Variants in STARD5 observed in about 807,000 individuals in gnomAD.
STARD5 encodes stAR-related lipid transfer protein 5.
Under a neutral mutation model 24.6 loss-of-function variants are expected in STARD5, and 26 were observed. The observed-to-expected ratio is 1.06, with a 90% CI of 0.77 to 1.47. The LOEUF (loss-of-function observed/expected upper bound fraction) is 1.47. Among genes scored for constraint, STARD5 ranks in the 40% most tolerant of loss-of-function variants. STARD5 has a pLI of 0.00. For synonymous variants in STARD5, 101 were observed against 99.7 expected, an observed-to-expected ratio of 1.01 and a Z score of -0.07; for missense variants, 254 against 270.8, an observed-to-expected ratio of 0.94 and a Z score of 0.44.
chr15:81,314,893 GAA>G lies in STARD5; in HGVS notation c.495-1492_495-1491del, dbSNP rs5814055. Among the ~76,000 whole-genome samples, 81 of 104,062 alleles carry G rather than the reference GAA, an allele frequency of 7.8e-4. 1 individual carries two copies. The highest frequency in any genetic ancestry group is 2.3e-3 in the African/African-American group (72 of 30,752). 68.3% of individuals were successfully genotyped at this position (104,062 alleles called of 152,430 possible). The stretch of plus-strand genomic sequence containing the variant: ...AAGAGCAAAACCCCACCTCAAAAAA[GAA>G]AAAAAAAAAAAAAAAAAAAAGAATC... On this transcript the variant is annotated intron_variant, in intron 5 of 5. Transcript: ENST00000302824.
Position 81,313,373 on chromosome 15 carries a change from G to A in STARD5, c.525C>T (p.Phe175=). 6.3e-7 allele frequency: 1 copy of A among 1,575,122 alleles called. No homozygotes were observed. Reference sequence around the variant, plus strand: ...GGTAACCGCTGAGGTCGGTATGGAAGAATGTGACCAGGTTGGTCTTGGTGG... The same window carrying A: ...GGTAACCGCTGAGGTCGGTATGGAAAAATGTGACCAGGTTGGTCTTGGTGG... ...GEPTKTNLVT[F]FHTDLSGYLP... The change falls in exon 6 of 6, where the codon TTC becomes TTT. Residue 175 remains phenylalanine (F), a synonymous_variant. Transcript: ENST00000302824.
chr15:81,322,767 CAGTA>C, intron 2 of STARD5, 128 bp downstream of exon 2: 1 of 1,375,388 alleles, frequency 7.3e-7, no homozygotes, highest in Non-Finnish European at 1.0e-6. Flanking sequence ...TCATTAAAAA[CAGTA>C]AGGCTTTTCT....
chr15:81,322,200 G>A (rs1347838003), intron 3 of STARD5, among the ~76,000 whole-genome samples: 1 of 152,210 alleles, frequency 6.6e-6, no homozygotes, highest in Non-Finnish European at 1.5e-5. Context: ...TCTGTTTGGG[G>A]CTTCTCTCCC....
Position 81,322,953 on chromosome 15 carries a change from C to T in STARD5, c.100-5G>A. The T allele has an allele frequency of 6.2e-7, 1 of 1,614,002 alleles. No homozygotes were observed. Among genetic ancestry groups the T allele is most frequent in the Non-Finnish European group, 8.5e-7 (1 of 1,180,008 alleles). On this transcript the variant is annotated splice_region_variant and splice_polypyrimidine_tract_variant and intron_variant, in intron 1 of 5. Coordinates refer to ENST00000302824, the MANE Select transcript of STARD5 (RefSeq NM_181900.3). Reference sequence around the variant, plus strand: ...CCAGGAAACTGAAACTCCATTCTGTCAAAAGGCACAGAACCACAGAATTTT... The same window carrying T: ...CCAGGAAACTGAAACTCCATTCTGTTAAAAGGCACAGAACCACAGAATTTT...
intron 5 of STARD5, among the ~76,000 whole-genome samples, chr15:81,314,994 G>A (rs1177996550): frequency 1.3e-5 from 2 of 151,976 alleles, no homozygotes; most frequent in Non-Finnish European, 2.9e-5. Flanking sequence ...CAAGGTGGGA[G>A]AGCATGTGCT....
chr15:81,319,642 C>G (rs544877066), intron 3 of STARD5, among the ~76,000 whole-genome samples, 186 bp from the exon 4 acceptor site: 1 of 152,172 alleles, frequency 6.6e-6, no homozygotes, highest in Non-Finnish European at 1.5e-5. Context: ...GTTTGTAAGA[C>G]GAGGGCTGTG....
intron 3 of STARD5, among the ~76,000 whole-genome samples, chr15:81,319,661 T>C (rs1049312449): frequency 7.9e-5 from 12 of 152,220 alleles, no homozygotes; most frequent in African/African-American, 2.9e-4. Flanking sequence ...TGACACAGGC[T>C]GCCCACAGCT....
chr15:81,322,460 A>C lies in STARD5; in HGVS notation c.230T>G (p.Val77Gly). The change falls in exon 3 of 6, where the codon GTG (valine) becomes GGG (glycine). Residue 77 changes from valine to glycine, a missense_variant. Coordinates refer to ENST00000302824, the MANE Select transcript of STARD5 (RefSeq NM_181900.3). ...CVKPAVGGLR[V>G]KWDENVTGFE... is the part of the protein sequence containing the mutation. ...ACCGGTCACATTCTCATCCCACTTC[A>C]CTCGTAGGCCTCCAACAGCTGGCTT... 3 of 1,613,856 alleles carry C rather than the reference A, an allele frequency of 1.9e-6. No homozygotes were observed. Among genetic ancestry groups the C allele is most frequent in the Non-Finnish European group, 2.5e-6 (3 of 1,179,970 alleles).
rs1351388213 is a variant in STARD5 at position 81,313,221 on chromosome 15, TC to T, written c.*34del. On this transcript the variant is annotated 3_prime_UTR_variant, in exon 6 of 6. Transcript: ENST00000302824. The stretch of plus-strand genomic sequence containing the variant: ...CCAACAGCTGGAGCTCCTCGATGAG[TC>T]ACGGGAGTTCTTTGCCAAGAAGTAA... 1.3e-6 allele frequency: 2 copies of T among 1,502,364 alleles called. No homozygotes were observed. The highest frequency in any genetic ancestry group is 2.6e-5 in the East Asian group (1 of 38,534). 93.1% of individuals were successfully genotyped at this position (1,502,364 alleles called of 1,614,324 possible).
chr15:81,317,976 G>A (rs1408329823), intron 5 of STARD5, among the ~76,000 whole-genome samples: 1 of 152,164 alleles, frequency 6.6e-6, no homozygotes, highest in Non-Finnish European at 1.5e-5. Context: ...GAAATGTGGG[G>A]TGGGGACTGC....
chr15:81,323,075 C>A, intron 1 of STARD5, 127 bp from the exon 2 acceptor site: 1 of 980,136 alleles, frequency 1.0e-6, no homozygotes, highest in South Asian at 1.5e-5. Flanking sequence ...GCTGTGCAAC[C>A]CATACGTGGA....
In STARD5 at chr15:81,313,255, A is replaced by T. The variant is rs139038128; in HGVS notation, c.*1T>A. 34 of 1,562,760 alleles carry T rather than the reference A, an allele frequency of 2.2e-5. No homozygotes were observed. In the African/African-American group the frequency reaches 4.4e-4, roughly 20 times the overall value. ...TTCTTTGCCAAGAAGTAACGATAGC[A>T]TTACTCATGGAATTGCTTCACTGCT... is the stretch of plus-strand genomic sequence containing the variant. On this transcript the variant is annotated 3_prime_UTR_variant, in exon 6 of 6. Transcript: ENST00000302824.
At chr15:81,316,540 G>A (rs1419987577) in intron 5 of STARD5, among the ~76,000 whole-genome samples, 1 of 152,146 alleles carries the variant, frequency 6.6e-6, no homozygotes, top group Non-Finnish European at 1.5e-5. Context: ...TAAAAATGAG[G>A]ATCACAACAG....
chr15:81,309,883 T>C lies in STARD5; in HGVS notation c.*3373A>G, dbSNP rs1328615052. On this transcript the variant is annotated 3_prime_UTR_variant, in exon 6 of 6. Coordinates refer to ENST00000302824, the MANE Select transcript of STARD5 (RefSeq NM_181900.3). The stretch of plus-strand genomic sequence containing the variant: ...AATGTATTGATAAGAGGGCACACAC[T>C]GTGTACAGTAAATGGCTTATCCAGC... 6.6e-6 allele frequency: 1 copy of C among 152,262 alleles called. No individual in the cohort carries two copies. The highest frequency in any genetic ancestry group is 6.5e-5 in the Admixed American group (1 of 15,276). 9.4% of individuals were successfully genotyped at this position (152,262 alleles called of 1,614,324 possible).
At position 81,313,302 on chromosome 15, in the gene STARD5, CG is replaced by C; in HGVS notation, c.595del (p.Arg199GlyfsTer10). The C allele has an allele frequency of 6.3e-7, 1 of 1,579,386 alleles. No homozygotes were observed. Among genetic ancestry groups the C allele is most frequent in the Non-Finnish European group, 8.6e-7 (1 of 1,163,356 alleles). On this transcript the variant is annotated frameshift_variant, in exon 6 of 6. Coordinates refer to ENST00000302824, the MANE Select transcript of STARD5 (RefSeq NM_181900.3). LOFTEE classifies it high-confidence loss of function. ...VDSFFPRSMT[R>X]FYANLQKAVK... ...TGCTTTCTGAAGGTTGGCATAAAAC[CG>C]GGTCATGCTGCGGGGGAAGAAGGAG...
chr15:81,314,025 T>C (rs574133045), intron 5 of STARD5: 3 of 152,262 alleles, frequency 2.0e-5, no homozygotes, highest in Admixed American at 6.5e-5. Flanking sequence ...TTTAAAAAAA[T>C]AGTTTTTTAA....
In STARD5 at chr15:81,315,989, C is replaced by T. The variant is rs1171575676; in HGVS notation, c.494+2420G>A. On this transcript the variant is annotated intron_variant, in intron 5 of 5. Coordinates refer to ENST00000302824, the MANE Select transcript of STARD5 (RefSeq NM_181900.3). ...TCAGAGGAAAGTCCCCAACAGGCTG[C>T]GGCCCCTGCTACCTCATGGGCCGAA... 7.2e-5 allele frequency among the ~76,000 whole-genome samples: 11 copies of T among 152,258 alleles called. No homozygotes were observed. The South Asian group carries it at 1.5e-3, about 20-fold the overall frequency.
In STARD5 at chr15:81,323,648, A is replaced by G. The variant is rs956636676; in HGVS notation, c.99+353T>C. The G allele has an allele frequency of 2.2e-5, 27 of 1,246,126 alleles. No individual in the cohort carries two copies. The South Asian group carries it at 2.9e-4, about 13-fold the overall frequency. 77.2% of individuals were successfully genotyped at this position (1,246,126 alleles called of 1,614,324 possible). On this transcript the variant is annotated intron_variant, in intron 1 of 5. Transcript: ENST00000302824. ...TAAAAACCTCCTTAGCTGCGACCAC[A>G]TTCTTTCATTTTGTTTTGTTTTTAA... is the stretch of plus-strand genomic sequence containing the variant.
chr15:81,318,306 CT>C, intron 5 of STARD5, 102 bp downstream of exon 5: 1 of 950,650 alleles, frequency 1.1e-6, no homozygotes, highest in Admixed American at 1.9e-5. Context: ...AGGCATTTTT[CT>C]TCTTTTGAAT....
Sources: allele counts gnomAD v4.1 joint callset (sites outside exome capture counted in the v4.1 genomes callset), GRCh38; gene constraint gnomAD v4.1.1; transcripts MANE v1.5; gene names NCBI Gene and HGNC (gene_info 2026-07-23, HGNC 2026-07-21).